SGCZ: variants seen among roughly 807,000 people sequenced by gnomAD.
The protein encoded by SGCZ is zeta-sarcoglycan.
Under a neutral mutation model 41.3 loss-of-function variants are expected in SGCZ, and 40 were observed. The ratio of observed to expected loss-of-function variants is 0.97; its 90% CI spans 0.75 to 1.26. The LOEUF (loss-of-function observed/expected upper bound fraction) is 1.26, where lower values mean the gene tolerates loss of function less well. Ranked by LOEUF, SGCZ falls within the 50% of genes most tolerant of loss-of-function variation. The pLI is 0.00. For missense variants in SGCZ, 552 were observed against 369.8 expected (o/e 1.49, Z -4.04); for synonymous variants, 206 against 137.5 (o/e 1.50, Z -3.49).
At chr8:14,441,872 T>C (rs559976829) in intron 2 of SGCZ, among the ~76,000 whole-genome samples, 1 of 152,192 alleles carries the variant, frequency 6.6e-6, no homozygotes, top group Admixed American at 6.5e-5. Flanking sequence ...CTGAGAATGT[T>C]TGTCTTAAAG....
intron 1 of SGCZ, among the ~76,000 whole-genome samples, chr8:14,920,772 A>G (rs1445109873): frequency 6.6e-6 from 1 of 152,202 alleles, no homozygotes; most frequent in Non-Finnish European, 1.5e-5. Context: ...ATTTATACCT[A>G]ATTGTATTTG....
rs529330612 is a variant in SGCZ, at chr8:14,648,123, T to G, written c.40-93197A>C. The stretch of plus-strand genomic sequence containing the variant: ...TCCAATTCCACAGAGCACCACCTCC[T>G]TAAAAGTTAAAAGTATATTGGATGC... On this transcript the variant is annotated intron_variant, in intron 1 of 7. Coordinates refer to ENST00000382080, the MANE Select transcript of SGCZ (RefSeq NM_139167.4). 2.0e-5 allele frequency among the ~76,000 whole-genome samples: 3 copies of G among 152,162 alleles called. No individual in the cohort carries two copies. The South Asian group carries it at 6.2e-4, about 32-fold the overall frequency.
At chr8:15,221,624 G>A (rs183075360) in intron 1 of SGCZ, among the ~76,000 whole-genome samples, 3 of 152,138 alleles carry the variant, frequency 2.0e-5, no homozygotes, top group African/African-American at 7.2e-5. Context: ...GTGTCATGGT[G>A]ACTTGAAGGA....
In SGCZ at chr8:14,175,953, C is replaced by A. The variant is rs535961710; in HGVS notation, c.425-11251G>T. On this transcript the variant is annotated intron_variant, in intron 4 of 7. Transcript: ENST00000382080. ...CTGTAGTTACAAAGCATTAATATATCTATTAGGTGTTATTCCATAACGACA... is the reference window on the plus strand; with the variant it reads ...CTGTAGTTACAAAGCATTAATATATATATTAGGTGTTATTCCATAACGACA... Among the ~76,000 whole-genome samples, 5 of 152,174 alleles carry A rather than the reference C, an allele frequency of 3.3e-5. No individual in the cohort carries two copies. The East Asian group carries it at 5.8e-4, about 18-fold the overall frequency.
chr8:14,172,114 C>T (rs543913451), intron 4 of SGCZ, among the ~76,000 whole-genome samples: 13 of 152,208 alleles, frequency 8.5e-5, no homozygotes, highest in African/African-American at 2.6e-4. Flanking sequence ...AAGGTATTTG[C>T]ATTAAAGCTC....
intron 1 of SGCZ, among the ~76,000 whole-genome samples, chr8:14,886,068 A>G (rs1804794772): frequency 7.1e-6 from 1 of 140,034 alleles, no homozygotes; most frequent in Admixed American, 7.4e-5. Context: ...ACTTAAGGTA[A>G]TAGCACATTA....
chr8:14,130,500 A>C (rs1803007880), intron 5 of SGCZ, among the ~76,000 whole-genome samples: 1 of 152,202 alleles, frequency 6.6e-6, no homozygotes, highest in African/African-American at 2.4e-5. Context: ...AAAATGAATA[A>C]AACAACAAAT....
At chr8:14,274,208 G>A (rs1563227576) in intron 3 of SGCZ, among the ~76,000 whole-genome samples, 1 of 152,026 alleles carries the variant, frequency 6.6e-6, no homozygotes, top group Non-Finnish European at 1.5e-5. Context: ...AAATTGTATT[G>A]CAAATATCTG....
intron 2 of SGCZ, among the ~76,000 whole-genome samples, chr8:14,405,672 T>C (rs527461786): frequency 1.3e-5 from 2 of 152,310 alleles, no homozygotes; most frequent in Admixed American, 6.5e-5. Flanking sequence ...CTGTGTTTTG[T>C]GACCATATCA....
chr8:14,163,049 T>A (rs1020464054), intron 5 of SGCZ, among the ~76,000 whole-genome samples: 1 of 152,010 alleles, frequency 6.6e-6, no homozygotes, highest in Non-Finnish European at 1.5e-5. Context: ...TTTCAAAAAT[T>A]TTGGTAGACA....
Position 15,197,448 on chromosome 8 carries a change from G to A in SGCZ, c.39+40137C>T, listed in dbSNP as rs55801560. On this transcript the variant is annotated intron_variant, in intron 1 of 7. Coordinates refer to ENST00000382080, the MANE Select transcript of SGCZ (RefSeq NM_139167.4). ...ACATTTTTGAAAGCACAAATTCAAA[G>A]CATAATATCATGAAAATAAGAAGGT... Among the ~76,000 whole-genome samples, 717 of 152,226 alleles carry A rather than the reference G, an allele frequency of 4.7e-3. 5 individuals carry two copies. The highest frequency in any genetic ancestry group is 0.017 in the African/African-American group (693 of 41,532).
Position 14,632,593 on chromosome 8 carries a change from A to T in SGCZ, c.40-77667T>A, listed in dbSNP as rs541739673. On this transcript the variant is annotated intron_variant, in intron 1 of 7. Coordinates refer to ENST00000382080, the MANE Select transcript of SGCZ (RefSeq NM_139167.4). ...AATTGAAAGAATTCATCTAAAAACA[A>T]TTCTTAGTTGAATATTTACTGAATA... is the stretch of plus-strand genomic sequence containing the variant. Among the ~76,000 whole-genome samples the T allele has an allele frequency of 2.0e-4, 30 of 151,994 alleles. No individual in the cohort carries two copies. In the South Asian group the frequency reaches 6.2e-3, roughly 31 times the overall value.
chr8:15,212,323 C>T (rs1256015175), intron 1 of SGCZ, among the ~76,000 whole-genome samples: 2 of 152,014 alleles, frequency 1.3e-5, no homozygotes, highest in African/African-American at 2.4e-5. Context: ...GAGGAAAATC[C>T]TTTTGAAGCC....
chr8:14,426,723 C>G (rs1799792703), intron 2 of SGCZ, among the ~76,000 whole-genome samples: 1 of 152,052 alleles, frequency 6.6e-6, no homozygotes, highest in Admixed American at 6.6e-5. Flanking sequence ...GCCTGAAACT[C>G]TCACAGCAGG....
chr8:14,164,814 C>T (rs1804159012), intron 4 of SGCZ, 112 bp from the exon 5 acceptor site: 4 of 1,306,454 alleles, frequency 3.1e-6, no homozygotes, highest in Non-Finnish European at 4.1e-6. Context: ...TTTATCTCTG[C>T]TGTATGTTTT....
At chr8:14,594,135 A>G (rs1236937112) in intron 1 of SGCZ, among the ~76,000 whole-genome samples, 1 of 151,824 alleles carries the variant, frequency 6.6e-6, no homozygotes, top group East Asian at 1.9e-4. Flanking sequence ...AGATTAGGCT[A>G]TTGCACTCCA....
chr8:14,678,524 T>A (rs1234846850), intron 1 of SGCZ, among the ~76,000 whole-genome samples: 3 of 152,168 alleles, frequency 2.0e-5, no homozygotes, highest in Admixed American at 6.5e-5. Flanking sequence ...AAAACCATAA[T>A]ATTGACAACA....
intron 1 of SGCZ, among the ~76,000 whole-genome samples, chr8:14,743,132 TAA>T (rs1330706835): frequency 6.6e-6 from 1 of 152,090 alleles, no homozygotes; most frequent in Non-Finnish European, 1.5e-5. Flanking sequence ...TTTTTCTAAA[TAA>T]AGTCATGATT....
chr8:14,829,996 A>G (rs1802471859), intron 1 of SGCZ, among the ~76,000 whole-genome samples: 3 of 152,102 alleles, frequency 2.0e-5, no homozygotes, highest in Admixed American at 2.0e-4. Context: ...ATTTTTTAGT[A>G]GAGACGGGGT....
Sources: gnomAD v4.1 joint callset for allele counts (sites outside exome capture counted in the v4.1 genomes callset) on GRCh38, gnomAD v4.1.1 for gene constraint, MANE v1.5 for transcripts, NCBI Gene and HGNC (gene_info 2026-07-23, HGNC 2026-07-21) for gene names.